Variants in RGS7 observed in about 807,000 individuals in gnomAD.
RGS7 encodes regulator of G-protein signaling 7.
RGS7 carries 27 observed loss-of-function variants against 81.1 expected under a neutral mutation model. The ratio of observed to expected loss-of-function variants is 0.33; its 90% CI spans 0.25 to 0.46. RGS7 has a LOEUF of 0.46. RGS7 is among the 20% of genes least tolerant of loss of function. The pLI is 1.00. For missense variants in RGS7, 396 were observed against 607.4 expected, an observed-to-expected ratio of 0.65 and a Z score of 3.66; for synonymous variants, 208 against 207.7, an observed-to-expected ratio of 1.00 and a Z score of -0.01.
At chr1:240,916,942 C>G (rs1296370758) in intron 6 of RGS7, among the ~76,000 whole-genome samples, 1 of 152,194 alleles carries the variant, frequency 6.6e-6, no homozygotes, top group African/African-American at 2.4e-5. Context: ...AGAGCAACCA[C>G]AGACATATCA....
At chr1:241,025,036 C>G (rs2059719874) in intron 3 of RGS7, among the ~76,000 whole-genome samples, 1 of 152,192 alleles carries the variant, frequency 6.6e-6, no homozygotes, top group Non-Finnish European at 1.5e-5. Flanking sequence ...GGGCCAATTG[C>G]TTTCTGCCTC....
intron 2 of RGS7, among the ~76,000 whole-genome samples, chr1:241,170,547 T>C (rs1337052705): frequency 1.3e-5 from 2 of 152,184 alleles, no homozygotes; most frequent in Non-Finnish European, 2.9e-5. Context: ...ACATATATTA[T>C]AAACTTACTA....
intron 2 of RGS7, among the ~76,000 whole-genome samples, chr1:241,217,670 G>A (rs966166318): frequency 3.3e-5 from 5 of 152,200 alleles, no homozygotes; most frequent in Non-Finnish European, 5.9e-5. Context: ...AAAAATCAAG[G>A]TTCTAATTAA....
chr1:240,885,284 C>G (rs1392783152), intron 6 of RGS7, among the ~76,000 whole-genome samples: 1 of 152,102 alleles, frequency 6.6e-6, no homozygotes, highest in African/African-American at 2.4e-5. Context: ...GAAAAGAGAA[C>G]ACTTGCACAC....
rs567628026 is a variant in RGS7, at chr1:240,939,750, G to A, written c.227-3044C>T. Among the ~76,000 whole-genome samples the A allele has an allele frequency of 2.1e-4, 32 of 152,140 alleles. 1 individual carries two copies. The South Asian group carries it at 4.6e-3, about 22-fold the overall frequency. On this transcript the variant is annotated intron_variant, in intron 4 of 18. Transcript: ENST00000440928. ...GGCAAGAAAATAGCTCTTATCACCA[G>A]AGACTGGGAGTTGGGGGCTGCAATG...
rs530909113 is a variant in RGS7, at chr1:240,796,034, G to A, written c.*6+4607C>T. ...ACTCTTGGCCTAGAGCCACGTTCCCGCCTCAGCCCCACAAAGTGCTGAGAT... is the reference window on the plus strand; with the variant it reads ...ACTCTTGGCCTAGAGCCACGTTCCCACCTCAGCCCCACAAAGTGCTGAGAT... On this transcript the variant is annotated intron_variant, in intron 18 of 18. Transcript: ENST00000440928. Among the ~76,000 whole-genome samples, 367 of 152,156 alleles carry A rather than the reference G, an allele frequency of 2.4e-3. 1 individual carries two copies. The highest frequency in any genetic ancestry group is 3.9e-3 in the Non-Finnish European group (267 of 68,006).
At chr1:241,060,112 A>T (rs936635689) in intron 3 of RGS7, among the ~76,000 whole-genome samples, 3 of 152,122 alleles carry the variant, frequency 2.0e-5, no homozygotes, top group Non-Finnish European at 4.4e-5. Flanking sequence ...TATTCTTTAT[A>T]CATCAGCCAG....
chr1:241,069,129 C>G (rs866990586), intron 3 of RGS7, among the ~76,000 whole-genome samples: 2 of 152,194 alleles, frequency 1.3e-5, no homozygotes, highest in African/African-American at 4.8e-5. Flanking sequence ...ACAAATTACT[C>G]AGTCTCAGGT....
chr1:240,941,359 G>A (rs1325194599), intron 4 of RGS7, among the ~76,000 whole-genome samples: 1 of 152,072 alleles, frequency 6.6e-6, no homozygotes. Context: ...AGAAAATATA[G>A]CTCCAGAGCA....
At chr1:241,219,807 T>A (rs1271919637) in intron 2 of RGS7, among the ~76,000 whole-genome samples, 3 of 152,232 alleles carry the variant, frequency 2.0e-5, no homozygotes, top group Admixed American at 1.3e-4. Context: ...ATTATGCCCC[T>A]ATTTTAAAAG....
intron 3 of RGS7, among the ~76,000 whole-genome samples, chr1:241,003,321 C>T (rs1163116476): frequency 4.0e-5 from 6 of 151,844 alleles, no homozygotes; most frequent in East Asian, 3.9e-4. Context: ...ATTAGCCGGG[C>T]GTCGTGGCAG....
chr1:240,998,407 T>C, intron 3 of RGS7: 1 of 604,466 alleles, frequency 1.7e-6, no homozygotes. Context: ...CTTTTTTTTT[T>C]TAAGTTCAGC....
At chr1:241,308,880 G>T (rs2080333858) in intron 2 of RGS7, among the ~76,000 whole-genome samples, 1 of 152,070 alleles carries the variant, frequency 6.6e-6, no homozygotes, top group Admixed American at 6.6e-5. Flanking sequence ...AAAATTGCAG[G>T]AACTCACTTC....
intron 3 of RGS7, among the ~76,000 whole-genome samples, chr1:241,083,656 T>A (rs1221398356): frequency 6.6e-6 from 1 of 152,210 alleles, no homozygotes; most frequent in Admixed American, 6.5e-5. Context: ...AAGAATTAAT[T>A]TTTTTCCTAA....
At chr1:240,893,168 A>C (rs1275184277) in intron 6 of RGS7, among the ~76,000 whole-genome samples, 1 of 152,198 alleles carries the variant, frequency 6.6e-6, no homozygotes, top group Non-Finnish European at 1.5e-5. Context: ...CTGTGGGGCC[A>C]GTGAAAATCG....
intron 6 of RGS7, among the ~76,000 whole-genome samples, chr1:240,920,806 A>T (rs1177059385): frequency 2.0e-5 from 3 of 152,166 alleles, no homozygotes; most frequent in African/African-American, 7.2e-5. Flanking sequence ...ATTGTATGAC[A>T]GGTTATTTTA....
chr1:240,793,607 A>ATTTTT (rs1461920030), intron 18 of RGS7, among the ~76,000 whole-genome samples: 2 of 33,866 alleles, frequency 5.9e-5, no homozygotes, highest in African/African-American at 2.6e-4. Context: ...ATATATATAT[A>ATTTTT]TATATTTTTT....
At chr1:240,901,275 A>C (rs893326741) in intron 6 of RGS7, among the ~76,000 whole-genome samples, 3 of 152,004 alleles carry the variant, frequency 2.0e-5, no homozygotes, top group Non-Finnish European at 2.9e-5. Flanking sequence ...GCTTCAGCTC[A>C]TGGTCCGTGG....
intron 2 of RGS7, among the ~76,000 whole-genome samples, chr1:241,221,039 AAAAGAAAG>A (rs60833569): frequency 0.022 from 2,019 of 91,320 alleles, 50 homozygotes; most frequent in East Asian, 0.04. Context: ...GGAAGGAAGG[AAAAGAAAG>A]AAAGAAAGAA....
Sources: gnomAD v4.1 joint callset for allele counts (sites outside exome capture counted in the v4.1 genomes callset) on GRCh38, gnomAD v4.1.1 for gene constraint, MANE v1.5 for transcripts, NCBI Gene and HGNC (gene_info 2026-07-23, HGNC 2026-07-21) for gene names.